UNC5D: variants seen among roughly 807,000 people sequenced by gnomAD.
UNC5D encodes unc-5 netrin receptor D.
Under a neutral mutation model 105.4 loss-of-function variants are expected in UNC5D, and 39 were observed. The ratio of observed to expected loss-of-function variants is 0.37; its 90% CI spans 0.29 to 0.48. UNC5D has a LOEUF of 0.48. UNC5D is among the 20% of genes least tolerant of loss of function. The pLI is 0.98. For synonymous variants in UNC5D, 452 were observed against 450.4 expected (o/e 1.00, Z -0.04); for missense variants, 991 against 1,202.4 (o/e 0.82, Z 2.60).
chr8:35,617,092 G>A (rs1159268217), intron 4 of UNC5D, among the ~76,000 whole-genome samples: 3 of 151,944 alleles, frequency 2.0e-5, no homozygotes, highest in Non-Finnish European at 2.9e-5. Context: ...ACACCACCCC[G>A]ATTCACTTAG....
chr8:35,385,342 AC>A (rs1319659300), intron 1 of UNC5D, among the ~76,000 whole-genome samples: 5 of 152,062 alleles, frequency 3.3e-5, no homozygotes, highest in Non-Finnish European at 5.9e-5. Context: ...CTCTGGTAGC[AC>A]CTAGTTAAGA....
At chr8:35,253,034 C>G (rs1803818074) in intron 1 of UNC5D, among the ~76,000 whole-genome samples, 1 of 152,024 alleles carries the variant, frequency 6.6e-6, no homozygotes, top group African/African-American at 2.4e-5. Flanking sequence ...AGTACCTACT[C>G]ATGGCTTTTT....
chr8:35,450,674 C>A (rs988218150), intron 1 of UNC5D, among the ~76,000 whole-genome samples: 7 of 152,128 alleles, frequency 4.6e-5, no homozygotes, highest in Non-Finnish European at 1.0e-4. Flanking sequence ...CAGTAAAAAA[C>A]TACAGATTGT....
At position 35,321,526 on chromosome 8, in the gene UNC5D, G is replaced by T. The variant is rs915657600; in HGVS notation, c.103+85639G>T. ...TTCCCCTTTGCCTTCCACACCGATT[G>T]TAAGTTTCATGAGGCCTTCACCAGC... On this transcript the variant is annotated intron_variant, in intron 1 of 16. Transcript: ENST00000404895. 2.6e-5 allele frequency among the ~76,000 whole-genome samples: 4 copies of T among 152,046 alleles called. 1 individual carries two copies. The South Asian group carries it at 6.2e-4, about 24-fold the overall frequency.
chr8:35,558,333 AAAT>A (rs1300309448), intron 2 of UNC5D, among the ~76,000 whole-genome samples: 4 of 152,060 alleles, frequency 2.6e-5, no homozygotes, highest in Non-Finnish European at 5.9e-5. Flanking sequence ...ACCTGTGGCA[AAAT>A]AATAATACTA....
At chr8:35,407,084 T>G (rs1804853890) in intron 1 of UNC5D, among the ~76,000 whole-genome samples, 1 of 152,278 alleles carries the variant, frequency 6.6e-6, no homozygotes, top group African/African-American at 2.4e-5. Flanking sequence ...TTTCTATATT[T>G]ACATATGTTT....
intron 1 of UNC5D, among the ~76,000 whole-genome samples, chr8:35,298,225 G>C (rs1201698222): frequency 1.3e-5 from 2 of 152,102 alleles, no homozygotes; most frequent in Non-Finnish European, 2.9e-5. Context: ...ATAGTCCCTG[G>C]CTCTTTCCAA....
intron 1 of UNC5D, among the ~76,000 whole-genome samples, chr8:35,437,800 A>G (rs984882798): frequency 6.6e-6 from 1 of 151,386 alleles, no homozygotes; most frequent in Non-Finnish European, 1.5e-5. Flanking sequence ...TTTCTGCGAG[A>G]AATGGTTTGC....
chr8:35,442,928 AC>A (rs1807528233), intron 1 of UNC5D, among the ~76,000 whole-genome samples: 1 of 150,526 alleles, frequency 6.6e-6, no homozygotes, highest in South Asian at 2.1e-4. Context: ...ACACACACAC[AC>A]ACACACAACA....
intron 4 of UNC5D, among the ~76,000 whole-genome samples, chr8:35,609,232 T>G (rs958500328): frequency 6.6e-5 from 10 of 152,184 alleles, no homozygotes; most frequent in Non-Finnish European, 1.5e-5. Flanking sequence ...ATTCATATCC[T>G]TTGCCCAACT....
intron 4 of UNC5D, among the ~76,000 whole-genome samples, chr8:35,660,089 C>T (rs1436952247): frequency 2.0e-5 from 3 of 152,110 alleles, no homozygotes; most frequent in African/African-American, 7.2e-5. Context: ...TACATTAAAC[C>T]TTTTATCCCA....
chr8:35,260,772 A>T (rs1400386809), intron 1 of UNC5D, among the ~76,000 whole-genome samples: 1 of 152,212 alleles, frequency 6.6e-6, no homozygotes, highest in Non-Finnish European at 1.5e-5. Context: ...ACAATGGCGT[A>T]GGGAGCGTGT....
At chr8:35,759,241 A>T in intron 13 of UNC5D, 79 bp from the exon 14 acceptor site, 1 of 1,507,862 alleles carries the variant, frequency 6.6e-7, no homozygotes, top group Non-Finnish European at 9.1e-7. Flanking sequence ...GGTAGTGAGC[A>T]TGTGTATCCC....
At chr8:35,614,903 C>A (rs982104159) in intron 4 of UNC5D, among the ~76,000 whole-genome samples, 7 of 151,934 alleles carry the variant, frequency 4.6e-5, no homozygotes, top group Non-Finnish European at 8.8e-5. Context: ...GGGTCAGAAG[C>A]ATGGACGTTA....
intron 1 of UNC5D, among the ~76,000 whole-genome samples, chr8:35,289,475 A>G (rs1806870783): frequency 6.6e-6 from 1 of 152,228 alleles, no homozygotes; most frequent in South Asian, 2.1e-4. Flanking sequence ...AAACACTGGA[A>G]TTGAATTGTA....
At chr8:35,367,239 T>A (rs1301715318) in intron 1 of UNC5D, among the ~76,000 whole-genome samples, 1 of 152,210 alleles carries the variant, frequency 6.6e-6, no homozygotes, top group Admixed American at 6.5e-5. Flanking sequence ...CCTACCCACC[T>A]ACTTGCCTGT....
At chr8:35,338,382 G>T (rs1811208766) in intron 1 of UNC5D, among the ~76,000 whole-genome samples, 1 of 152,042 alleles carries the variant, frequency 6.6e-6, no homozygotes, top group Non-Finnish European at 1.5e-5. Flanking sequence ...GTTCATTTAA[G>T]CCAGTTTTGG....
At chr8:35,363,590 T>C (rs1431727401) in intron 1 of UNC5D, among the ~76,000 whole-genome samples, 1 of 152,198 alleles carries the variant, frequency 6.6e-6, no homozygotes, top group Non-Finnish European at 1.5e-5. Context: ...GATATGATGT[T>C]GTGGCCTTCT....
intron 13 of UNC5D, among the ~76,000 whole-genome samples, chr8:35,753,342 C>T (rs1199896267): frequency 6.6e-6 from 1 of 152,092 alleles, no homozygotes; most frequent in East Asian, 1.9e-4. Flanking sequence ...GATCTCAGCC[C>T]ACTGCAACCT....
Sources: gnomAD v4.1 joint callset for allele counts (sites outside exome capture counted in the v4.1 genomes callset) on GRCh38, gnomAD v4.1.1 for gene constraint, MANE v1.5 for transcripts, NCBI Gene and HGNC (gene_info 2026-07-23, HGNC 2026-07-21) for gene names.